The following WDR17 variants were observed in gnomAD, a reference collection of about 807,000 sequenced individuals.
WDR17 encodes the protein WD repeat domain 17.
WDR17 carries 143 observed loss-of-function variants against 161.7 expected under a neutral mutation model. That is an observed-to-expected ratio of 0.88 (90% CI 0.77 to 1.02). WDR17 has a LOEUF of 1.02. Ranked by LOEUF, WDR17 falls within the 50% of genes least tolerant of loss-of-function variation. The pLI, the probability that WDR17 is intolerant of heterozygous loss-of-function variation, is 0.00. For missense variants in WDR17, 1,469 were observed against 1,520.9 expected (o/e 0.97, Z 0.57); for synonymous variants, 517 against 515.6 (o/e 1.00, Z -0.04).
intron 23 of WDR17, 178 bp from the exon 24 acceptor site, chr4:176,172,197 A>G (rs978975032): frequency 1.6e-5 from 9 of 574,126 alleles, no homozygotes; most frequent in East Asian, 3.3e-5. Context: ...CTGTTTTTAG[A>G]TCTTAAAGGT....
chr4:176,074,368 G>T (rs1733669810), intron 1 of WDR17, among the ~76,000 whole-genome samples: 1 of 98,506 alleles, frequency 1.0e-5, no homozygotes, highest in African/African-American at 3.2e-5. Context: ...ATTATCTTGA[G>T]AGATATATAT....
In WDR17 at chr4:176,182,405, G is replaced by GTGTATA. The variant is rs997632443; in HGVS notation, c.*2827_*2828insGTATAT. ...AATATATATATGTGCGTGTGTGTGT[G>GTGTATA]TATATATATATATATATATATATAT... On this transcript the variant is annotated 3_prime_UTR_variant, in exon 29 of 29. Transcript: ENST00000508596. This position sits in a 1 kb window ranked among gnomAD's most constrained non-coding sequence, Gnocchi z 4.2. The GTGTATA allele has an allele frequency of 4.6e-4, 69 of 148,746 alleles. No individual in the cohort carries two copies. Among genetic ancestry groups the GTGTATA allele is most frequent in the African/African-American group, 1.6e-3 (65 of 40,586 alleles). The allele number at this position is 148,746 out of a possible 1,614,324, so 9.2% of individuals were successfully genotyped here.
chr4:176,164,543 C>A (rs969901386), intron 22 of WDR17, among the ~76,000 whole-genome samples: 2 of 152,108 alleles, frequency 1.3e-5, no homozygotes, highest in Admixed American at 1.3e-4. Flanking sequence ...CCTTAGATAT[C>A]TTATTATGTA....
At chr4:176,163,645 T>A (rs1367137046) in intron 22 of WDR17, among the ~76,000 whole-genome samples, 1 of 152,238 alleles carries the variant, frequency 6.6e-6, no homozygotes, top group Admixed American at 6.5e-5. Context: ...TTGTCAGATC[T>A]TGTGTCCTAT....
chr4:176,099,437 G>A (rs942965503), intron 1 of WDR17, among the ~76,000 whole-genome samples: 8 of 152,082 alleles, frequency 5.3e-5, no homozygotes, highest in Non-Finnish European at 8.8e-5. Flanking sequence ...TGGGGGTGGC[G>A]GGGGAGCTTT....
chr4:176,167,412 C>T (rs956681288), intron 22 of WDR17, among the ~76,000 whole-genome samples: 17 of 151,064 alleles, frequency 1.1e-4, no homozygotes, highest in Non-Finnish European at 1.8e-4. Flanking sequence ...TTTGGGAGGC[C>T]GAGGCGGGCG....
Position 176,119,967 on chromosome 4 carries a change from T to C in WDR17, c.408T>C (p.Asp136=). 1 of 1,614,034 alleles carries C rather than the reference T, an allele frequency of 6.2e-7. No individual in the cohort carries two copies. The part of the protein sequence containing the change: ...PLFIWTISGP[D]SGVIVHKDAH... ...TCATTTGGACCATCTCAGGACCAGA[T>C]AGTGGAGTGATTGTACACAAAGATG... Residue 136 remains aspartate (D), a synonymous_variant, in exon 4 of 29, where the codon GAT becomes GAC. Coordinates refer to ENST00000508596, the MANE Select transcript of WDR17 (RefSeq NM_181265.4).
In WDR17 at chr4:176,163,151, A is replaced by T; in HGVS notation, c.2851-3A>T. On this transcript the variant is annotated splice_polypyrimidine_tract_variant and splice_region_variant and intron_variant, in intron 21 of 28. Coordinates refer to ENST00000508596, the MANE Select transcript of WDR17 (RefSeq NM_181265.4). Reference sequence around the variant, plus strand: ...TGAAGAAATTATTTTCTTATTGAGCAAGCTTGCTATGGCATACCTGATTCG... The same window carrying T: ...TGAAGAAATTATTTTCTTATTGAGCTAGCTTGCTATGGCATACCTGATTCG... 1 of 1,614,112 alleles carries T rather than the reference A, an allele frequency of 6.2e-7. No homozygotes were observed. The highest frequency in any genetic ancestry group is 1.1e-5 in the South Asian group (1 of 91,084).
At chr4:176,122,287 A>G (rs1741722219) in intron 4 of WDR17, among the ~76,000 whole-genome samples, 1 of 152,102 alleles carries the variant, frequency 6.6e-6, no homozygotes, top group Admixed American at 6.5e-5. Flanking sequence ...ATTAAGCTCT[A>G]CCCTAAGGGC....
intron 9 of WDR17, among the ~76,000 whole-genome samples, 169 bp from the exon 10 acceptor site, chr4:176,139,723 A>C (rs547089716): frequency 3.9e-5 from 6 of 152,062 alleles, no homozygotes; most frequent in Non-Finnish European, 8.8e-5. Flanking sequence ...TGACAGCTTT[A>C]GACATTTTTA....
intron 22 of WDR17, 33 bp downstream of exon 22, chr4:176,163,326 T>C (rs1465476185): frequency 1.9e-6 from 3 of 1,579,138 alleles, no homozygotes; most frequent in Non-Finnish European, 2.6e-6. Flanking sequence ...AATAATTTCA[T>C]AGTGATGGAA....
At chr4:176,096,696 A>G in intron 1 of WDR17, 1 of 805,400 alleles carries the variant, frequency 1.2e-6, no homozygotes, top group Non-Finnish European at 1.9e-6. Flanking sequence ...CGCATTGCAA[A>G]GTTCTGAGCG....
At chr4:176,104,415 A>G (rs1322837463) in intron 1 of WDR17, among the ~76,000 whole-genome samples, 3 of 152,114 alleles carry the variant, frequency 2.0e-5, no homozygotes, top group Non-Finnish European at 4.4e-5. Context: ...TCATCATTTA[A>G]GAGAATAAAA....
chr4:176,127,245 A>G (rs1561141473), intron 5 of WDR17, among the ~76,000 whole-genome samples: 1 of 151,988 alleles, frequency 6.6e-6, no homozygotes, highest in Admixed American at 6.6e-5. Context: ...TAATTTATAT[A>G]TCTTAATTGC....
chr4:176,105,568 C>T (rs957988225), intron 1 of WDR17, among the ~76,000 whole-genome samples: 1 of 152,026 alleles, frequency 6.6e-6, no homozygotes, highest in Admixed American at 6.6e-5. Flanking sequence ...AGAAAGAAAA[C>T]TGAAAAATTC....
intron 7 of WDR17, among the ~76,000 whole-genome samples, chr4:176,134,493 G>A (rs892254417): frequency 6.6e-6 from 1 of 151,594 alleles, no homozygotes; most frequent in Non-Finnish European, 1.5e-5. Flanking sequence ...ATAGTCTTGT[G>A]GGTGTTTGGG....
intron 11 of WDR17, among the ~76,000 whole-genome samples, chr4:176,143,843 C>T (rs1561171495): frequency 6.6e-6 from 1 of 152,090 alleles, no homozygotes. Context: ...CCCCACCTCT[C>T]CATGTTGCAG....
intron 1 of WDR17, chr4:176,068,523 C>A (rs1732806595): frequency 6.6e-6 from 1 of 152,128 alleles, no homozygotes; most frequent in Non-Finnish European, 1.5e-5. Context: ...TCTCTTGAAC[C>A]CAGGAGGCCC....
intron 1 of WDR17, among the ~76,000 whole-genome samples, chr4:176,077,848 T>A (rs189639543): frequency 6.6e-6 from 1 of 152,192 alleles, no homozygotes; most frequent in South Asian, 2.1e-4. Flanking sequence ...AAATAACTTA[T>A]ATTATCTCTG....
Sources: allele counts gnomAD v4.1 joint callset (sites outside exome capture counted in the v4.1 genomes callset), GRCh38; gene constraint gnomAD v4.1.1; non-coding constraint Gnocchi (gnomAD v3.1); transcripts MANE v1.5; gene names NCBI Gene and HGNC (gene_info 2026-07-23, HGNC 2026-07-21).